Variants in SPATA1 observed in about 807,000 individuals in gnomAD.
The protein encoded by SPATA1 is spermatogenesis-associated protein 1.
Under a neutral mutation model 59.6 loss-of-function variants are expected in SPATA1, and 57 were observed. The observed-to-expected ratio is 0.96, with a 90% CI of 0.77 to 1.19. The LOEUF is 1.19. Ranked by LOEUF, SPATA1 falls within the 50% of genes most tolerant of loss-of-function variation. The probability of loss-of-function intolerance (pLI) is 0.00; values close to 1 mark genes in which losing one functional copy is unlikely to be tolerated. For synonymous variants in SPATA1, 147 were observed against 163.9 expected, an observed-to-expected ratio of 0.90 and a Z score of 0.79; for missense variants, 448 against 480.7, an observed-to-expected ratio of 0.93 and a Z score of 0.64.
At chr1:84,516,976 A>G (rs1029172872) in intron 2 of SPATA1, among the ~76,000 whole-genome samples, 24 of 152,138 alleles carry the variant, frequency 1.6e-4, no homozygotes, top group Admixed American at 1.4e-3. Flanking sequence ...ATGTCATACC[A>G]TCTCAGACCC....
intron 4 of SPATA1, among the ~76,000 whole-genome samples, chr1:84,524,750 C>G (rs972312548): frequency 6.6e-6 from 1 of 152,184 alleles, no homozygotes; most frequent in Non-Finnish European, 1.5e-5. Flanking sequence ...TTCTAACAGG[C>G]CTTCCCTGAC....
chr1:84,532,808 T>C, intron 6 of SPATA1, 52 bp from the exon 7 acceptor site: 1 of 1,248,764 alleles, frequency 8.0e-7, no homozygotes. Context: ...TTTATTTTAC[T>C]ATTTTCCTAA....
intron 8 of SPATA1, among the ~76,000 whole-genome samples, chr1:84,538,000 A>T (rs143865676): frequency 2.0e-5 from 3 of 152,332 alleles, no homozygotes; most frequent in Admixed American, 6.5e-5. Context: ...AATATGATGG[A>T]ATGGCCTATT....
intron 6 of SPATA1, 66 bp from the exon 7 acceptor site, chr1:84,532,794 A>G: frequency 8.8e-7 from 1 of 1,137,982 alleles, no homozygotes; most frequent in Non-Finnish European, 1.3e-6. Context: ...TATAAAAACA[A>G]ACGTTTATTT....
In SPATA1 at chr1:84,510,339, G is replaced by A. The variant is rs762489711; in HGVS notation, c.-138+3921G>A. ...AAATCTAATAACCCGCTTTAAAAAT[G>A]GGCAAAAAAGCTGAGTAAACATTTT... On this transcript the variant is annotated intron_variant, in intron 1 of 12. Transcript: ENST00000490879. 3.7e-4 allele frequency among the ~76,000 whole-genome samples: 56 copies of A among 152,090 alleles called. 1 individual carries two copies. Among genetic ancestry groups the A allele is most frequent in the Non-Finnish European group, 6.8e-4 (46 of 68,030 alleles).
At position 84,560,596 on chromosome 1, in the gene SPATA1, T is replaced by C. The variant is rs79416064; in HGVS notation, n.442+4617T>C. ...GACCCCTTTCTTCAAATAAATCTTATATTGGAAGAAGATGATGCCATTTAA... is the reference window on the plus strand; with the variant it reads ...GACCCCTTTCTTCAAATAAATCTTACATTGGAAGAAGATGATGCCATTTAA... On this transcript the variant is annotated intron_variant and non_coding_transcript_variant, in intron 4 of 4. Coordinates refer to the SPATA1 transcript ENST00000460286. Among the ~76,000 whole-genome samples, 25 of 152,288 alleles carry C rather than the reference T, an allele frequency of 1.6e-4. No homozygotes were observed. In the East Asian group the frequency reaches 3.9e-3, roughly 24 times the overall value.
chr1:84,563,310 T>C (rs774660684), intron 4 of SPATA1: 11 of 1,593,524 alleles, frequency 6.9e-6, no homozygotes, highest in South Asian at 1.1e-5. Flanking sequence ...TTTCCAGAAA[T>C]AGAACTATTT....
At position 84,561,583 on chromosome 1, in the gene SPATA1, A is replaced by G. The variant is rs543205947; in HGVS notation, n.443-4278A>G. Among the ~76,000 whole-genome samples the G allele has an allele frequency of 4.6e-5, 7 of 152,330 alleles. No homozygotes were observed. In the South Asian group the frequency reaches 1.2e-3, roughly 27 times the overall value. On this transcript the variant is annotated intron_variant and non_coding_transcript_variant, in intron 4 of 4. Coordinates refer to the SPATA1 transcript ENST00000460286. ...GTTCTACTGTGGGTAAAATGCAATC[A>G]AATAGCATCACGTTTTACACAGAAA... is the stretch of plus-strand genomic sequence containing the variant.
intron 10 of SPATA1, among the ~76,000 whole-genome samples, chr1:84,546,992 T>G (rs1684108970): frequency 6.6e-6 from 1 of 152,136 alleles, no homozygotes; most frequent in East Asian, 1.9e-4. Context: ...TTGAGGATTA[T>G]AAGGATAAAA....
chr1:84,512,555 A>G (rs1339268917), intron 1 of SPATA1, among the ~76,000 whole-genome samples: 1 of 152,242 alleles, frequency 6.6e-6, no homozygotes, highest in Non-Finnish European at 1.5e-5. Flanking sequence ...TTATTTCTAG[A>G]CACAGAATAA....
intron 8 of SPATA1, among the ~76,000 whole-genome samples, chr1:84,535,439 T>C (rs1259362212): frequency 1.3e-5 from 2 of 152,192 alleles, no homozygotes; most frequent in Non-Finnish European, 1.5e-5. Flanking sequence ...GGAAAACTTA[T>C]ATCCTAACTA....
intron 4 of SPATA1, among the ~76,000 whole-genome samples, chr1:84,564,965 G>C (rs1558628857): frequency 6.6e-6 from 1 of 152,046 alleles, no homozygotes; most frequent in Non-Finnish European, 1.5e-5. Context: ...CTTAAGCCCA[G>C]GAGGTCGAGG....
chr1:84,511,003 G>A (rs1682514637), intron 1 of SPATA1, among the ~76,000 whole-genome samples: 1 of 152,144 alleles, frequency 6.6e-6, no homozygotes, highest in Non-Finnish European at 1.5e-5. Flanking sequence ...GTTACCAGAG[G>A]CTGGGAAGGG....
chr1:84,527,458 G>A (rs149567366), intron 6 of SPATA1: 62 of 152,012 alleles, frequency 4.1e-4, no homozygotes, highest in African/African-American at 1.4e-3. Context: ...AGAAAATAAA[G>A]ACTGACAATA....
At chr1:84,514,228 C>CT (rs1367416941) in intron 1 of SPATA1, among the ~76,000 whole-genome samples, 1 of 152,082 alleles carries the variant, frequency 6.6e-6, no homozygotes, top group African/African-American at 2.4e-5. Context: ...AAGGGCTCAT[C>CT]TTTTTACATC....
downstream of SPATA1, among the ~76,000 whole-genome samples, chr1:84,556,879 C>T (rs960119754): frequency 2.0e-5 from 3 of 152,038 alleles, no homozygotes; most frequent in South Asian, 2.1e-4. Flanking sequence ...CATGCATGCC[C>T]TAGTAATAGT....
chr1:84,556,620 G>A (rs1051485188), downstream of SPATA1, among the ~76,000 whole-genome samples: 1 of 149,126 alleles, frequency 6.7e-6, no homozygotes, highest in Non-Finnish European at 1.5e-5. Context: ...GCTGAGGCAG[G>A]AGAATTGCTT....
chr1:84,536,545 G>C (rs994523307), intron 8 of SPATA1, among the ~76,000 whole-genome samples: 2 of 152,360 alleles, frequency 1.3e-5, no homozygotes, highest in East Asian at 3.9e-4. Context: ...CCGGGTGCAT[G>C]CCATTCTCCT....
intron 1 of SPATA1, among the ~76,000 whole-genome samples, chr1:84,512,536 C>T (rs72948475): frequency 0.037 from 5,600 of 152,222 alleles, 359 homozygotes; most frequent in African/African-American, 0.13. Context: ...ATAAAAATTA[C>T]GAGAATCCTT....
Sources: gnomAD v4.1 joint callset for allele counts (sites outside exome capture counted in the v4.1 genomes callset) on GRCh38, gnomAD v4.1.1 for gene constraint, MANE v1.5 for transcripts, NCBI Gene and HGNC (gene_info 2026-07-23, HGNC 2026-07-21) for gene names.